MUC4: variants seen among roughly 807,000 people sequenced by gnomAD.
MUC4 encodes mucin 4, cell surface associated.
A neutral mutation model predicts 257.9 loss-of-function variants in MUC4; 202 were observed. The observed-to-expected ratio is 0.78, with a 90% confidence interval of 0.70 to 0.88. MUC4 has a LOEUF of 0.88. Ranked by LOEUF, MUC4 falls within the 40% of genes least tolerant of loss-of-function variation. MUC4 has a pLI of 0.00. For synonymous variants in MUC4, 2,351 were observed against 2,757.1 expected (o/e 0.85, Z 4.62); for missense variants, 5,976 against 6,513.7 (o/e 0.92, Z 2.84).
At chr3:195,767,528 T>TCACCATCAC (rs1472909855) in intron 7 of MUC4, among the ~76,000 whole-genome samples, 3 of 28,144 alleles carry the variant, frequency 1.1e-4, no homozygotes, top group Admixed American at 1.0e-3. Context: ...ACCACCACCA[T>TCACCATCAC]CGCCACCACC....
At chr3:195,809,067 A>T (rs932262283) in intron 1 of MUC4, among the ~76,000 whole-genome samples, 2 of 152,140 alleles carry the variant, frequency 1.3e-5, no homozygotes, top group Non-Finnish European at 2.9e-5. Context: ...TGTGGCATGG[A>T]ACCAGGACGG....
rs550539612 is a variant in MUC4 at position 195,791,031 on chromosome 3, G to A, written c.549C>T (p.Ser183=). The A allele has an allele frequency of 7.9e-5, 128 of 1,613,804 alleles. No individual in the cohort carries two copies. Among genetic ancestry groups the A allele is most frequent in the Non-Finnish European group, 9.0e-5 (106 of 1,179,878 alleles). ...ATGTGTCTTGGATAGAGGTCCTCCA[G>A]GAAGTTGTTCGTGATTGTCCTTCCT... ...AGQEGQSRTT[S]WRTSIQDTSA... is the part of the protein sequence containing the mutation. Residue 183 remains serine (S), a synonymous_variant, in exon 2 of 25, where the codon TCC becomes TCT. Coordinates refer to ENST00000463781, the MANE Select transcript of MUC4 (RefSeq NM_018406.7).
chr3:195,761,189 C>T, intron 15 of MUC4, 72 bp from the exon 16 acceptor site: 3 of 1,430,992 alleles, frequency 2.1e-6, no homozygotes, highest in Non-Finnish European at 2.9e-6. Flanking sequence ...ACCTCTACCC[C>T]TCACTTTAGA....
chr3:195,790,331 T>C lies in MUC4; in HGVS notation c.1249A>G (p.Thr417Ala). ...ACTTTGGAAGTGATTGCAGAAATGG[T>C]TCCACTTACAGATAGTGATGTCTCC... ...TEETSLSVSG[T>A]ISAITSKVST... Residue 417 changes from threonine to alanine, a missense_variant, in exon 2 of 25, where the codon ACC becomes GCC. Around this residue, in one of 44 missense-constraint regions of MUC4, gnomAD observed 1,583 missense variants for 1,257.4 expected, o/e 1.26. Coordinates refer to ENST00000463781, the MANE Select transcript of MUC4 (RefSeq NM_018406.7). 1 of 1,613,946 alleles carries C rather than the reference T, an allele frequency of 6.2e-7. No individual in the cohort carries two copies.
chr3:195,791,329 G>A lies in MUC4; in HGVS notation c.251C>T (p.Thr84Ile). The A allele has an allele frequency of 6.2e-7, 1 of 1,613,922 alleles. No individual in the cohort carries two copies. Among genetic ancestry groups the A allele is most frequent in the Non-Finnish European group, 8.5e-7 (1 of 1,179,892 alleles). ...GGTGTCGGTTTGAGCTTTGCTGGTG[G>A]TCTCCGTGCTCTTAGTCTGGTGGTT... The part of the protein sequence containing the change: ...SQNHQTKSTE[T>I]TSKAQTDTLT... Residue 84 changes from threonine (T) to isoleucine (I), a missense_variant, in exon 2 of 25, where the codon ACC (threonine) becomes ATC (isoleucine). By Grantham distance (89) the Thr-to-Ile change is moderately conservative. Transcript: ENST00000463781.
intron 3 of MUC4, among the ~76,000 whole-genome samples, chr3:195,775,244 C>A (rs1305495144): frequency 6.6e-6 from 1 of 152,062 alleles, no homozygotes; most frequent in Non-Finnish European, 1.5e-5. Flanking sequence ...TCCCTGGCTC[C>A]CGTTGCCTAC....
At chr3:195,796,825 G>A (rs1430934679) in intron 1 of MUC4, among the ~76,000 whole-genome samples, 1 of 152,108 alleles carries the variant, frequency 6.6e-6, no homozygotes, top group South Asian at 2.1e-4. Context: ...TGGAACAGGA[G>A]GAAATGATCT....
At chr3:195,776,549 C>G (rs1397804013) in intron 3 of MUC4, among the ~76,000 whole-genome samples, 1 of 27,604 alleles carries the variant, frequency 3.6e-5, no homozygotes. Flanking sequence ...ACCTTCCACA[C>G]CCATACCTTC....
rs907789417 is a variant in MUC4 at position 195,798,191 on chromosome 3, A to G, written c.83-6694T>C. On this transcript the variant is annotated intron_variant, in intron 1 of 24. Transcript: ENST00000463781. Reference sequence around the variant, plus strand: ...AAAGAGAAAATATTTTTAAGACTATAGTGTTTATGATGGTGACCAAAAAAA... The same window carrying G: ...AAAGAGAAAATATTTTTAAGACTATGGTGTTTATGATGGTGACCAAAAAAA... Among the ~76,000 whole-genome samples, 13 of 152,328 alleles carry G rather than the reference A, an allele frequency of 8.5e-5. No individual in the cohort carries two copies. The South Asian group carries it at 2.5e-3, about 29-fold the overall frequency.
chr3:195,811,141 TTTTA>T (rs1159589259), intron 1 of MUC4, among the ~76,000 whole-genome samples: 3,145 of 139,570 alleles, frequency 0.023, 51 homozygotes, highest in African/African-American at 0.041. Context: ...TTTTATTTTA[TTTTA>T]TATTTATTTA....
rs868769194 is a variant in MUC4 at position 195,747,137 on chromosome 3, G to A, written c.*39C>T. 3 of 1,611,516 alleles carry A rather than the reference G, an allele frequency of 1.9e-6. No homozygotes were observed. The highest frequency in any genetic ancestry group is 2.2e-5 in the East Asian group (1 of 44,886). Reference sequence around the variant, plus strand: ...GGCGCCTTAAATGTGCGGTAAGGATGAGGTGAGTCTTGAGGTAGCCTAGGC... The same window carrying A: ...GGCGCCTTAAATGTGCGGTAAGGATAAGGTGAGTCTTGAGGTAGCCTAGGC... On this transcript the variant is annotated 3_prime_UTR_variant, in exon 25 of 25. Coordinates refer to ENST00000463781, the MANE Select transcript of MUC4 (RefSeq NM_018406.7).
Position 195,748,919 on chromosome 3 carries a change from G to A in MUC4, c.16017C>T (p.Pro5339=), listed in dbSNP as rs1251755288. The A allele has an allele frequency of 1.3e-6, 2 of 1,588,910 alleles. No individual in the cohort carries two copies. Among genetic ancestry groups the A allele is most frequent in the East Asian group, 2.3e-5 (1 of 43,840 alleles). ...CDHGGQCQHL[P]SGPRCSCVSF... ...CTATGCACCTGCAGCGGGGCCCACT[G>A]GGCAGGTGCTGGCACTGGCCTCCAT... is the stretch of plus-strand genomic sequence containing the variant. Residue 5339 remains proline (P), a synonymous_variant, in exon 24 of 25, where the codon CCC becomes CCT. Coordinates refer to ENST00000463781, the MANE Select transcript of MUC4 (RefSeq NM_018406.7).
rs557340292 is a variant in MUC4 at position 195,774,215 on chromosome 3, G to A, written c.13034C>T (p.Ala4345Val). The change falls in exon 4 of 25, where the codon GCG (alanine) becomes GTG (valine). Residue 4345 changes from alanine (A) to valine (V), a missense_variant. By Grantham distance (64) the Ala-to-Val change is moderately conservative (BLOSUM62 0). This residue lies in a region of MUC4 where 233 missense variants were observed against 171.2 expected (regional missense o/e 1.36). Coordinates refer to ENST00000463781, the MANE Select transcript of MUC4 (RefSeq NM_018406.7). The stretch of plus-strand genomic sequence containing the variant: ...AGAGGAGCCAAGGGGGAAGCCAGTC[G>A]CCGGCTTGAAGAGTGGGGAGGTGAA... ...VDFTSPLFKP[A>V]TGFPLGSSLR... 262 of 1,608,404 alleles carry A rather than the reference G, an allele frequency of 1.6e-4. 2 individuals carry two copies. The South Asian group carries it at 2.7e-3, about 16-fold the overall frequency.
Position 195,753,249 on chromosome 3 carries a change from G to A in MUC4, c.15329-19C>T, listed in dbSNP as rs757716326. Reference sequence around the variant, plus strand: ...CCCAGAGCTGCAGAGTGAGTAGGGAGGTCAGCAGCAGCGCGCAGGGCAGCA... The same window carrying A: ...CCCAGAGCTGCAGAGTGAGTAGGGAAGTCAGCAGCAGCGCGCAGGGCAGCA... On this transcript the variant is annotated intron_variant, in intron 19 of 24. Coordinates refer to ENST00000463781, the MANE Select transcript of MUC4 (RefSeq NM_018406.7). 1.4e-5 allele frequency: 22 copies of A among 1,612,314 alleles called. No homozygotes were observed. In the Middle Eastern group the frequency reaches 6.6e-4, roughly 48 times the overall value.
chr3:195,772,714 G>C (rs1262821965), intron 4 of MUC4, among the ~76,000 whole-genome samples: 1 of 130,934 alleles, frequency 7.6e-6, no homozygotes, highest in Non-Finnish European at 1.6e-5. Context: ...TCCCTTCATC[G>C]CTCAGGGGTG....
intron 24 of MUC4, among the ~76,000 whole-genome samples, chr3:195,747,621 T>C (rs1232063835): frequency 6.6e-6 from 1 of 152,248 alleles, no homozygotes; most frequent in Non-Finnish European, 1.5e-5. Flanking sequence ...TCCCAGCACA[T>C]TGAGAGGCTG....
At chr3:195,807,027 A>G (rs983082411) in intron 1 of MUC4, among the ~76,000 whole-genome samples, 1 of 152,152 alleles carries the variant, frequency 6.6e-6, no homozygotes. Flanking sequence ...CCCTAAACAC[A>G]TACACGGGGA....
At chr3:195,775,287 T>C (rs1724130467) in intron 3 of MUC4, among the ~76,000 whole-genome samples, 1 of 150,808 alleles carries the variant, frequency 6.6e-6, no homozygotes, top group Non-Finnish European at 1.5e-5. Flanking sequence ...CACTTTTTGC[T>C]ACCCTTCTTC....
chr3:195,764,589 C>T (rs552686300), intron 10 of MUC4, among the ~76,000 whole-genome samples: 4 of 151,882 alleles, frequency 2.6e-5, no homozygotes, highest in Admixed American at 2.6e-4. Flanking sequence ...TGCCATGGGA[C>T]GGGGGAGAGA....
Sources: gnomAD v4.1 joint callset for allele counts (sites outside exome capture counted in the v4.1 genomes callset) on GRCh38, gnomAD v4.1.1 for gene constraint, gnomAD v4.1.1 regional missense constraint, MANE v1.5 for transcripts, NCBI Gene and HGNC (gene_info 2026-07-23, HGNC 2026-07-21) for gene names.